The following SMOC1 variants were observed in gnomAD, a reference collection of about 807,000 sequenced individuals.
SMOC1 encodes the protein SPARC related modular calcium binding 1, also known as SPARC-related modular calcium-binding protein 1.
Under a neutral mutation model 56.3 loss-of-function variants are expected in SMOC1, and 22 were observed. The ratio of observed to expected loss-of-function variants is 0.39; its 90% confidence interval spans 0.28 to 0.56. SMOC1 has a LOEUF of 0.56. SMOC1 is among the 20% of genes least tolerant of loss of function. The pLI, the probability that SMOC1 is intolerant of heterozygous loss-of-function variation, is 0.61. For missense variants in SMOC1, 509 were observed against 565.4 expected (o/e 0.90, Z 1.01); for synonymous variants, 193 against 215.0 (o/e 0.90, Z 0.89).
intron 7 of SMOC1, among the ~76,000 whole-genome samples, chr14:69,998,338 C>T (rs544251505): frequency 7.9e-5 from 12 of 152,212 alleles, no homozygotes; most frequent in African/African-American, 2.2e-4. Context: ...CCAGCTAATA[C>T]GCTAGAACTT....
chr14:69,914,104 A>G (rs1017169967), intron 1 of SMOC1, among the ~76,000 whole-genome samples: 1 of 152,216 alleles, frequency 6.6e-6, no homozygotes, highest in East Asian at 1.9e-4. Context: ...GATCCCCAGC[A>G]AAGACCCCTT....
intron 3 of SMOC1, among the ~76,000 whole-genome samples, chr14:69,960,330 C>T (rs898232354): frequency 1.3e-5 from 2 of 152,158 alleles, no homozygotes; most frequent in Admixed American, 6.5e-5. Flanking sequence ...ACCTGGGGTG[C>T]ATCTGTGAGC....
chr14:70,001,131 C>A (rs374396436), intron 7 of SMOC1, among the ~76,000 whole-genome samples: 3 of 152,114 alleles, frequency 2.0e-5, no homozygotes, highest in East Asian at 1.9e-4. Flanking sequence ...TTGGATCTGG[C>A]CCCTGAGTCA....
chr14:69,993,371 T>C (rs1482216595), intron 6 of SMOC1, among the ~76,000 whole-genome samples: 1 of 152,140 alleles, frequency 6.6e-6, no homozygotes, highest in Admixed American at 6.5e-5. Flanking sequence ...TACTGAGTAC[T>C]CCATATTCCC....
At chr14:69,909,942 A>C (rs1375979674) in intron 1 of SMOC1, among the ~76,000 whole-genome samples, 1 of 152,114 alleles carries the variant, frequency 6.6e-6, no homozygotes, top group African/African-American at 2.4e-5. Flanking sequence ...TTGGAGACCA[A>C]ATTTCTTTTT....
chr14:69,990,057 C>T (rs1884506893), intron 5 of SMOC1, among the ~76,000 whole-genome samples: 2 of 152,178 alleles, frequency 1.3e-5, no homozygotes, highest in African/African-American at 4.8e-5. Flanking sequence ...CCTCAGTGAC[C>T]CTACCCTGCA....
chr14:69,901,694 A>T (rs1360870935), intron 1 of SMOC1, among the ~76,000 whole-genome samples: 2 of 152,262 alleles, frequency 1.3e-5, no homozygotes, highest in Non-Finnish European at 2.9e-5. Context: ...GTGCAAGTGC[A>T]TATTGCAAAA....
At chr14:69,975,027 G>A (rs142994163) in intron 3 of SMOC1, among the ~76,000 whole-genome samples, 25 of 152,254 alleles carry the variant, frequency 1.6e-4, no homozygotes, top group African/African-American at 6.0e-4. Context: ...ATTCCAACTT[G>A]TACTTGCCAA....
chr14:70,013,401 A>T lies in SMOC1; in HGVS notation c.956A>T (p.Lys319Met), dbSNP rs747698172. The T allele has an allele frequency of 2.5e-6, 4 of 1,614,166 alleles. No homozygotes were observed. The South Asian group carries it at 4.4e-5, about 18-fold the overall frequency. ...TATCTTTTAGGCTGTCCAGAAGGGA[A>T]GAAAATGGAGTTTATCACCAGCCTA... is the stretch of plus-strand genomic sequence containing the variant. ...DRELPGCPEG[K>M]KMEFITSLLD... Residue 319 changes from lysine (K) to methionine (M), a missense_variant, in exon 10 of 12, where the codon AAG (lysine) becomes ATG (methionine). By Grantham distance (95) the Lys-to-Met change is moderately conservative. Transcript: ENST00000361956.
At position 70,011,485 on chromosome 14, in the gene SMOC1, C is replaced by T. The variant is rs1885339082; in HGVS notation, c.858C>T (p.Arg286=). 1.3e-6 allele frequency: 2 copies of T among 1,596,970 alleles called. No individual in the cohort carries two copies. The highest frequency in any genetic ancestry group is 3.3e-5 in the Admixed American group (2 of 59,740). Residue 286 remains arginine, a splice_region_variant and synonymous_variant, in exon 9 of 12, where the codon CGC becomes CGT. Coordinates refer to ENST00000361956, the MANE Select transcript of SMOC1 (RefSeq NM_001034852.3). ...TGRPLPGTST[R]YVMPSCESDA... ...CCCCCCCATATCTCTCTTTTCCCAG[C>T]TACGTGATGCCCAGTTGTGAGAGCG...
At chr14:70,011,772 G>A (rs770993739) in intron 9 of SMOC1, among the ~76,000 whole-genome samples, 30 of 152,182 alleles carry the variant, frequency 2.0e-4, no homozygotes, top group South Asian at 4.1e-4. Context: ...GTGCCTCTTC[G>A]TCTTTATAAT....
intron 1 of SMOC1, among the ~76,000 whole-genome samples, chr14:69,883,267 A>G (rs560878426): frequency 2.0e-5 from 3 of 151,552 alleles, no homozygotes; most frequent in East Asian, 1.9e-4. Context: ...CCTTTGACCA[A>G]CCTCTCTCCT....
At chr14:69,955,110 G>A (rs1036034645) in intron 3 of SMOC1, among the ~76,000 whole-genome samples, 1 of 152,156 alleles carries the variant, frequency 6.6e-6, no homozygotes, top group Non-Finnish European at 1.5e-5. Context: ...TGAGGTAGGT[G>A]TCATTATCCC....
chr14:69,994,170 AC>A (rs1884678581), intron 6 of SMOC1: 3 of 597,986 alleles, frequency 5.0e-6, no homozygotes, highest in Non-Finnish European at 9.0e-6. Context: ...CTGCATTCTG[AC>A]CACTCTGCTT....
chr14:69,912,225 C>T (rs975724572), intron 1 of SMOC1, among the ~76,000 whole-genome samples: 5 of 152,110 alleles, frequency 3.3e-5, no homozygotes, highest in Non-Finnish European at 7.3e-5. Context: ...TTAACAGATG[C>T]TCAACCATAG....
At chr14:69,903,016 T>C (rs1353852422) in intron 1 of SMOC1, among the ~76,000 whole-genome samples, 1 of 152,188 alleles carries the variant, frequency 6.6e-6, no homozygotes, top group Non-Finnish European at 1.5e-5. Context: ...AGTGCCTAGA[T>C]TGCAGCCTCT....
At chr14:69,975,257 C>T (rs895903779) in intron 3 of SMOC1, among the ~76,000 whole-genome samples, 10 of 152,056 alleles carry the variant, frequency 6.6e-5, no homozygotes, top group South Asian at 2.1e-4. Flanking sequence ...GCAGGAGAAT[C>T]GCTTGAACCC....
chr14:70,014,556 C>T (rs529955021), intron 10 of SMOC1, among the ~76,000 whole-genome samples: 4 of 152,192 alleles, frequency 2.6e-5, no homozygotes, highest in South Asian at 2.1e-4. Flanking sequence ...GAGTGGTAAT[C>T]GTGAGATGGA....
chr14:69,894,018 T>G (rs1884032109), intron 1 of SMOC1, among the ~76,000 whole-genome samples: 1 of 152,336 alleles, frequency 6.6e-6, no homozygotes, highest in East Asian at 1.9e-4. Flanking sequence ...AGACCAACCC[T>G]GCCAGCATCT....
Sources: gnomAD v4.1 joint callset for allele counts (sites outside exome capture counted in the v4.1 genomes callset) on GRCh38, gnomAD v4.1.1 for gene constraint, MANE v1.5 for transcripts, NCBI Gene and HGNC (gene_info 2026-07-23, HGNC 2026-07-21) for gene names.